Variants in VPS13B observed in about 807,000 individuals in gnomAD.
The protein encoded by VPS13B is intermembrane lipid transfer protein VPS13B.
In VPS13B, 285 loss-of-function variants were observed where a neutral mutation model predicts 426.4. The ratio of observed to expected loss-of-function variants is 0.67; its 90% CI spans 0.61 to 0.74. The LOEUF (loss-of-function observed/expected upper bound fraction) is 0.74. VPS13B is among the 30% of genes least tolerant of loss of function. The probability of loss-of-function intolerance (pLI) is 0.00; values close to 1 mark genes in which losing one functional copy is unlikely to be tolerated. For missense variants in VPS13B, 4,537 were observed against 4,782.6 expected (o/e 0.95, Z 1.51); for synonymous variants, 1,676 against 1,676.4 (o/e 1.00, Z 0.01).
intron 28 of VPS13B, chr8:99,507,629 C>T: frequency 7.9e-7 from 1 of 1,262,058 alleles, no homozygotes; most frequent in Non-Finnish European, 1.1e-6. Context: ...ATGGTCCAGG[C>T]AGAGGCCATA....
intron 3 of VPS13B, among the ~76,000 whole-genome samples, chr8:99,084,532 T>C (rs1232960042): frequency 6.6e-6 from 1 of 152,224 alleles, no homozygotes; most frequent in Non-Finnish European, 1.5e-5. Flanking sequence ...TCTAGTTCTT[T>C]TAATTGTGAT....
intron 35 of VPS13B, among the ~76,000 whole-genome samples, chr8:99,690,529 A>G (rs944598065): frequency 1.3e-5 from 2 of 152,206 alleles, no homozygotes; most frequent in African/African-American, 2.4e-5. Flanking sequence ...TGCAAATCAT[A>G]TATCTGATAC....
chr8:99,604,495 G>GTTTT (rs767971168), intron 33 of VPS13B, among the ~76,000 whole-genome samples: 34 of 115,280 alleles, frequency 2.9e-4, no homozygotes, highest in Non-Finnish European at 3.6e-4. Context: ...TTTCCTTGGT[G>GTTTT]TTTTTTTTTT....
chr8:99,693,410 T>G (rs201837927), intron 35 of VPS13B, among the ~76,000 whole-genome samples: 4,435 of 147,162 alleles, frequency 0.03, 82 homozygotes, highest in East Asian at 0.052. Flanking sequence ...TCAATAAATG[T>G]AATCCAGCAT....
rs540912806 is a variant in VPS13B, at chr8:99,671,541, G to C, written c.6046+10050G>C. Among the ~76,000 whole-genome samples, 4 of 152,076 alleles carry C rather than the reference G, an allele frequency of 2.6e-5. No homozygotes were observed. The East Asian group carries it at 7.7e-4, about 29-fold the overall frequency. ...TTCAGATAATATCCAGAAAATCACC[G>C]TCCAGACCAATATCATAGAGCTTTT... On this transcript the variant is annotated intron_variant, in intron 35 of 61. Coordinates refer to ENST00000357162, the MANE Select transcript of VPS13B (RefSeq NM_152564.5).
chr8:99,322,124 G>A (rs929588430), intron 19 of VPS13B, among the ~76,000 whole-genome samples: 3 of 152,074 alleles, frequency 2.0e-5, no homozygotes, highest in African/African-American at 7.2e-5. Flanking sequence ...TGTTGTTTGT[G>A]CCCTTGCTTT....
intron 17 of VPS13B, among the ~76,000 whole-genome samples, chr8:99,263,855 T>C (rs995892106): frequency 1.3e-5 from 2 of 152,198 alleles, no homozygotes; most frequent in Non-Finnish European, 2.9e-5. Context: ...CTGTCTGTCA[T>C]AGAGGATCTA....
chr8:99,793,039 C>CT (rs1812629014), intron 43 of VPS13B, among the ~76,000 whole-genome samples: 2 of 140,962 alleles, frequency 1.4e-5, no homozygotes, highest in African/African-American at 5.3e-5. Context: ...GATCCTGTCT[C>CT]TAAAAAAAAA....
At chr8:99,826,047 A>G (rs1458862396) in intron 51 of VPS13B, among the ~76,000 whole-genome samples, 1 of 152,156 alleles carries the variant, frequency 6.6e-6, no homozygotes, top group Non-Finnish European at 1.5e-5. Flanking sequence ...TGTCTTGGCT[A>G]TGCATGCTCT....
intron 33 of VPS13B, among the ~76,000 whole-genome samples, chr8:99,623,994 C>CATACATATATAT (rs1554877591): frequency 0.023 from 1,255 of 53,428 alleles, 12 homozygotes; most frequent in Admixed American, 0.062. Flanking sequence ...ATGAAACATA[C>CATACATATATAT]ATATATATAT....
intron 33 of VPS13B, among the ~76,000 whole-genome samples, chr8:99,622,950 C>G (rs571031027): frequency 1.3e-5 from 2 of 152,314 alleles, no homozygotes; most frequent in East Asian, 3.9e-4. Context: ...AAGGTAGCCT[C>G]ATAATTCATC....
Position 99,877,125 on chromosome 8 carries a change from T to G in VPS13B, c.*1459T>G, listed in dbSNP as rs938259126. Reference sequence around the variant, plus strand: ...TTCCTCCCACCTCCACCTCCCAAACTGCTGGGATTACAGGTGTGAGCCACC... The same window carrying G: ...TTCCTCCCACCTCCACCTCCCAAACGGCTGGGATTACAGGTGTGAGCCACC... On this transcript the variant is annotated 3_prime_UTR_variant, in exon 62 of 62. Transcript: ENST00000357162. 21 of 152,322 alleles carry G rather than the reference T, an allele frequency of 1.4e-4. No homozygotes were observed. The highest frequency in any genetic ancestry group is 5.1e-4 in the African/African-American group (21 of 41,566). The allele number at this position is 152,322 out of a possible 1,614,324, so 9.4% of individuals were successfully genotyped here.
chr8:99,305,344 A>G (rs922553466), intron 19 of VPS13B, among the ~76,000 whole-genome samples: 19 of 152,186 alleles, frequency 1.2e-4, no homozygotes, highest in African/African-American at 4.1e-4. Context: ...ATACAGTATA[A>G]TAACTGTTTA....
intron 35 of VPS13B, among the ~76,000 whole-genome samples, chr8:99,688,667 A>G (rs1452467350): frequency 2.0e-5 from 3 of 152,064 alleles, no homozygotes; most frequent in Non-Finnish European, 4.4e-5. Flanking sequence ...TATTTTCTTC[A>G]TTACATCATT....
At chr8:99,269,672 C>T (rs1397560827) in intron 17 of VPS13B, among the ~76,000 whole-genome samples, 2 of 152,194 alleles carry the variant, frequency 1.3e-5, no homozygotes, top group Non-Finnish European at 2.9e-5. Flanking sequence ...TGTTTCACCA[C>T]ATTGCTTCCC....
chr8:99,753,714 G>A (rs554766867), intron 39 of VPS13B, among the ~76,000 whole-genome samples: 18 of 152,262 alleles, frequency 1.2e-4, no homozygotes, highest in Admixed American at 4.6e-4. Context: ...TCTAATAAAA[G>A]AACGTTACAC....
At chr8:99,175,956 C>T (rs1812605389) in intron 16 of VPS13B, among the ~76,000 whole-genome samples, 1 of 152,100 alleles carries the variant, frequency 6.6e-6, no homozygotes, top group Non-Finnish European at 1.5e-5. Flanking sequence ...TTTGTTGCTA[C>T]TGCGGTGAGC....
intron 39 of VPS13B, among the ~76,000 whole-genome samples, chr8:99,750,301 C>T (rs1810327936): frequency 1.3e-5 from 2 of 152,186 alleles, no homozygotes; most frequent in African/African-American, 4.8e-5. Context: ...AAAGCCTTCC[C>T]CTGATGTCCC....
At chr8:99,741,619 A>T (rs1809728802) in intron 39 of VPS13B, among the ~76,000 whole-genome samples, 2 of 152,218 alleles carry the variant, frequency 1.3e-5, no homozygotes, top group African/African-American at 4.8e-5. Flanking sequence ...ATTATAACAA[A>T]CTGTCTCTCA....
Sources: allele counts gnomAD v4.1 joint callset (sites outside exome capture counted in the v4.1 genomes callset), GRCh38; gene constraint gnomAD v4.1.1; transcripts MANE v1.5; gene names NCBI Gene and HGNC (gene_info 2026-07-23, HGNC 2026-07-21).